The following COMMD10 variants were observed in gnomAD, a reference collection of about 807,000 sequenced individuals.
COMMD10 encodes COMM domain-containing protein 10.
Under a neutral mutation model 28.9 loss-of-function variants are expected in COMMD10, and 33 were observed. The observed-to-expected ratio is 1.14, with a 90% CI of 0.87 to 1.53. COMMD10 has a LOEUF of 1.53. COMMD10 is among the 40% of genes most tolerant of loss of function. The pLI is 0.00. For synonymous variants in COMMD10, 110 were observed against 81.7 expected, an observed-to-expected ratio of 1.35 and a Z score of -1.87; for missense variants, 310 against 233.4, an observed-to-expected ratio of 1.33 and a Z score of -2.14.
chr5:116,282,805 A>G (rs1034699847), intron 5 of COMMD10, among the ~76,000 whole-genome samples: 1 of 151,832 alleles, frequency 6.6e-6, no homozygotes, highest in African/African-American at 2.4e-5. Context: ...ACTACATTTT[A>G]CCTTAATTAC....
chr5:116,243,466 T>C (rs935941440), intron 5 of COMMD10, among the ~76,000 whole-genome samples: 1 of 152,140 alleles, frequency 6.6e-6, no homozygotes, highest in African/African-American at 2.4e-5. Context: ...TTAGAAATTA[T>C]AAAACATACA....
intron 5 of COMMD10, among the ~76,000 whole-genome samples, chr5:116,180,291 A>G (rs1319660663): frequency 6.6e-6 from 1 of 152,174 alleles, no homozygotes; most frequent in African/African-American, 2.4e-5. Context: ...ACAAATTAGC[A>G]ATAGTATATC....
intron 2 of COMMD10, among the ~76,000 whole-genome samples, chr5:116,090,639 T>C (rs969637423): frequency 2.6e-5 from 4 of 151,700 alleles, no homozygotes; most frequent in African/African-American, 9.7e-5. Flanking sequence ...AAACTGGGGG[T>C]TGAAGGTACT....
chr5:116,260,187 A>G (rs1750404856), intron 5 of COMMD10, among the ~76,000 whole-genome samples: 1 of 151,862 alleles, frequency 6.6e-6, no homozygotes, highest in Admixed American at 6.6e-5. Flanking sequence ...GAACTAAGAG[A>G]TGATGAAACC....
chr5:116,128,900 T>C (rs1439503183), intron 4 of COMMD10, among the ~76,000 whole-genome samples: 1 of 151,876 alleles, frequency 6.6e-6, no homozygotes, highest in African/African-American at 2.4e-5. Flanking sequence ...ACGTTGTGAC[T>C]TTTGCAGAAT....
intron 5 of COMMD10, among the ~76,000 whole-genome samples, chr5:116,210,699 A>G (rs1256948229): frequency 2.0e-5 from 3 of 152,060 alleles, no homozygotes; most frequent in African/African-American, 7.2e-5. Flanking sequence ...AAATGCAACC[A>G]CTTCTTACTA....
At chr5:116,126,115 G>A (rs941856491) in intron 4 of COMMD10, among the ~76,000 whole-genome samples, 1 of 152,036 alleles carries the variant, frequency 6.6e-6, no homozygotes, top group Non-Finnish European at 1.5e-5. Context: ...AAAATCACAG[G>A]CATTCCTATA....
intron 5 of COMMD10, among the ~76,000 whole-genome samples, chr5:116,221,401 C>G (rs2112644567): frequency 6.6e-6 from 1 of 152,266 alleles, no homozygotes. Context: ...ACAAACCCTG[C>G]TATCTCAGTA....
At chr5:116,231,845 A>G (rs1301269488) in intron 5 of COMMD10, among the ~76,000 whole-genome samples, 1 of 152,164 alleles carries the variant, frequency 6.6e-6, no homozygotes, top group Non-Finnish European at 1.5e-5. Context: ...AAGACAATCC[A>G]GAAAAAAAAA....
intron 2 of COMMD10, among the ~76,000 whole-genome samples, chr5:116,089,037 T>C (rs930933072): frequency 1.3e-5 from 2 of 152,232 alleles, no homozygotes; most frequent in African/African-American, 4.8e-5. Context: ...AAGTCTTCTA[T>C]AATATATTCC....
intron 5 of COMMD10, among the ~76,000 whole-genome samples, chr5:116,213,765 C>A (rs987967437): frequency 2.0e-5 from 3 of 151,994 alleles, no homozygotes; most frequent in Admixed American, 6.6e-5. Context: ...TTTCATAATA[C>A]AGTGTTATTT....
At chr5:116,146,955 G>A (rs572108223) in intron 5 of COMMD10, among the ~76,000 whole-genome samples, 68 of 151,912 alleles carry the variant, frequency 4.5e-4, no homozygotes, top group African/African-American at 1.6e-3. Flanking sequence ...TTTCAGAAAT[G>A]CCATGTCCAT....
intron 5 of COMMD10, among the ~76,000 whole-genome samples, chr5:116,266,932 T>C (rs1300096931): frequency 6.6e-6 from 1 of 151,922 alleles, no homozygotes; most frequent in African/African-American, 2.4e-5. Flanking sequence ...AATTAGGTAT[T>C]GATGGGATAT....
At chr5:116,169,511 C>A (rs1475026747) in intron 5 of COMMD10, among the ~76,000 whole-genome samples, 1 of 152,238 alleles carries the variant, frequency 6.6e-6, no homozygotes, top group South Asian at 2.1e-4. Context: ...TATCCTGATA[C>A]CAAAACCTGG....
intron 5 of COMMD10, among the ~76,000 whole-genome samples, chr5:116,285,376 C>T (rs1378594372): frequency 2.6e-5 from 4 of 151,842 alleles, no homozygotes; most frequent in Non-Finnish European, 4.4e-5. Context: ...CTTGGCCTGC[C>T]ACCCTTTCCT....
At chr5:116,105,574 A>G (rs1750810490) in intron 4 of COMMD10, among the ~76,000 whole-genome samples, 1 of 152,260 alleles carries the variant, frequency 6.6e-6, no homozygotes, top group South Asian at 2.1e-4. Context: ...TTTGGCTGTC[A>G]TTCTGTCTAG....
chr5:116,229,693 T>G (rs1749480163), intron 5 of COMMD10, among the ~76,000 whole-genome samples: 1 of 152,034 alleles, frequency 6.6e-6, no homozygotes, highest in Non-Finnish European at 1.5e-5. Flanking sequence ...AGTATATAAT[T>G]GAGTGTACAG....
rs542974072 is a variant in COMMD10, at chr5:116,225,608, C to T, written c.511-65909C>T. Reference sequence around the variant, plus strand: ...CTTGTATATGCACAGTGTGGTAGCCCAAAGATTTTGGCAGATGCTCATCTT... The same window carrying T: ...CTTGTATATGCACAGTGTGGTAGCCTAAAGATTTTGGCAGATGCTCATCTT... On this transcript the variant is annotated intron_variant, in intron 5 of 6. Coordinates refer to ENST00000274458, the MANE Select transcript of COMMD10 (RefSeq NM_016144.4). 4.3e-4 allele frequency among the ~76,000 whole-genome samples: 65 copies of T among 152,014 alleles called. 1 individual carries two copies. The highest frequency in any genetic ancestry group is 1.5e-3 in the African/African-American group (62 of 41,454).
At chr5:116,131,125 A>G (rs1043403594) in intron 4 of COMMD10, among the ~76,000 whole-genome samples, 2 of 151,920 alleles carry the variant, frequency 1.3e-5, no homozygotes, top group African/African-American at 2.4e-5. Flanking sequence ...ATATTTGACA[A>G]TGTATCATTT....
Sources: gnomAD v4.1 joint callset for allele counts (sites outside exome capture counted in the v4.1 genomes callset) on GRCh38, gnomAD v4.1.1 for gene constraint, MANE v1.5 for transcripts, NCBI Gene and HGNC (gene_info 2026-07-23, HGNC 2026-07-21) for gene names.